CNTNAP2: variants seen among roughly 807,000 people sequenced by gnomAD.
The protein encoded by CNTNAP2 is contactin associated protein 2, also known as contactin-associated protein-like 2.
In CNTNAP2, 98 loss-of-function variants were observed where a neutral mutation model predicts 155.2. The ratio of observed to expected loss-of-function variants is 0.63; its 90% CI spans 0.54 to 0.75. The LOEUF (loss-of-function observed/expected upper bound fraction) is 0.75. Among genes scored for constraint, CNTNAP2 ranks in the 30% least tolerant of loss-of-function variants. CNTNAP2 has a pLI of 0.00. For missense variants in CNTNAP2, 1,727 were observed against 1,688.1 expected, an observed-to-expected ratio of 1.02 and a Z score of -0.40; for synonymous variants, 651 against 631.2, an observed-to-expected ratio of 1.03 and a Z score of -0.47.
At chr7:147,887,149 C>G (rs1799615709) in intron 13 of CNTNAP2, among the ~76,000 whole-genome samples, 1 of 152,130 alleles carries the variant, frequency 6.6e-6, no homozygotes, top group Non-Finnish European at 1.5e-5. Flanking sequence ...CAAATAGATA[C>G]AACAAAAGTG....
intron 1 of CNTNAP2, among the ~76,000 whole-genome samples, chr7:146,427,321 T>C (rs12666174): frequency 0.23 from 34,270 of 152,108 alleles, 4,752 homozygotes; most frequent in Admixed American, 0.39. Flanking sequence ...GCAGATATTT[T>C]AAGTTTCAGG....
chr7:148,335,010 G>A (rs190160266), intron 21 of CNTNAP2, among the ~76,000 whole-genome samples: 79 of 152,350 alleles, frequency 5.2e-4, no homozygotes, highest in East Asian at 5.0e-3. Context: ...GGAGCCAGGC[G>A]CCTGGTCTTT....
At chr7:146,828,971 C>T (rs999742294) in intron 2 of CNTNAP2, among the ~76,000 whole-genome samples, 80 of 152,012 alleles carry the variant, frequency 5.3e-4, no homozygotes, top group African/African-American at 1.9e-3. Flanking sequence ...TTAGTTTCAC[C>T]ACTATCTAGG....
intron 21 of CNTNAP2, among the ~76,000 whole-genome samples, chr7:148,364,023 G>C (rs781774356): frequency 9.2e-5 from 14 of 152,314 alleles, no homozygotes; most frequent in African/African-American, 3.4e-4. Context: ...TCGATTTCTC[G>C]CCGGGCCTTG....
chr7:147,050,766 A>T (rs182652863), intron 4 of CNTNAP2, among the ~76,000 whole-genome samples: 3 of 152,256 alleles, frequency 2.0e-5, no homozygotes, highest in Admixed American at 2.0e-4. Context: ...ATTTAAGACG[A>T]TGGAAAGGTA....
intron 2 of CNTNAP2, among the ~76,000 whole-genome samples, chr7:146,775,186 T>C (rs574095341): frequency 3.3e-5 from 5 of 152,214 alleles, no homozygotes; most frequent in African/African-American, 1.2e-4. Flanking sequence ...TTGAGATATC[T>C]GTTAAAAGGT....
In CNTNAP2 at chr7:147,593,151, A is replaced by G. The variant is rs1330616019; in HGVS notation, c.1897+30894A>G. ...CTTAGGAGAAATGAAAAAGGAACAGACATTATAATTGTAGGGAAAGAATAA... is the reference window on the plus strand; with the variant it reads ...CTTAGGAGAAATGAAAAAGGAACAGGCATTATAATTGTAGGGAAAGAATAA... On this transcript the variant is annotated intron_variant, in intron 12 of 23. Coordinates refer to ENST00000361727, the MANE Select transcript of CNTNAP2 (RefSeq NM_014141.6). 2.0e-5 allele frequency among the ~76,000 whole-genome samples: 3 copies of G among 152,016 alleles called. No homozygotes were observed. The East Asian group carries it at 5.8e-4, about 29-fold the overall frequency.
In CNTNAP2 at chr7:148,229,567, G is replaced by A. The variant is rs1206367248; in HGVS notation, c.3248-79G>A. ...AGAAAGGAAGAAAGAAAGAATCTAA[G>A]AGCAGGAATTGAGGGGATGTGACAT... On this transcript the variant is annotated intron_variant, in intron 19 of 23. Coordinates refer to ENST00000361727, the MANE Select transcript of CNTNAP2 (RefSeq NM_014141.6). The A allele has an allele frequency of 2.5e-5, 38 of 1,500,798 alleles. No homozygotes were observed. In the East Asian group the frequency reaches 8.4e-4, roughly 33 times the overall value. The allele number at this position is 1,500,798 out of a possible 1,614,324, so 93.0% of individuals were successfully genotyped here.
intron 1 of CNTNAP2, among the ~76,000 whole-genome samples, chr7:146,724,434 G>T (rs941048713): frequency 2.0e-5 from 3 of 151,434 alleles, no homozygotes; most frequent in Non-Finnish European, 2.9e-5. Flanking sequence ...TAATCTATTT[G>T]TCAATACTGA....
intron 20 of CNTNAP2, chr7:148,263,346 T>C (rs530554794): frequency 4.3e-4 from 65 of 152,186 alleles, no homozygotes; most frequent in African/African-American, 1.5e-3. Flanking sequence ...TTATGTTTTT[T>C]AGAAAAGTCA....
At chr7:147,342,613 A>T (rs1309859720) in intron 9 of CNTNAP2, among the ~76,000 whole-genome samples, 2 of 152,202 alleles carry the variant, frequency 1.3e-5, no homozygotes, top group African/African-American at 4.8e-5. Flanking sequence ...AAATCAGTGA[A>T]ACCCGTAGCA....
At chr7:147,010,069 G>A (rs1798596645) in intron 3 of CNTNAP2, among the ~76,000 whole-genome samples, 2 of 149,110 alleles carry the variant, frequency 1.3e-5, no homozygotes, top group South Asian at 4.3e-4. Context: ...GAGTGCAGTG[G>A]CATGATCTGG....
chr7:147,447,016 G>A (rs1393203016), intron 10 of CNTNAP2, among the ~76,000 whole-genome samples: 1 of 152,152 alleles, frequency 6.6e-6, no homozygotes, highest in African/African-American at 2.4e-5. Flanking sequence ...AAGTGCATTA[G>A]AATGCCAAGA....
chr7:146,877,786 G>A (rs1261413704), intron 3 of CNTNAP2, among the ~76,000 whole-genome samples: 2 of 151,864 alleles, frequency 1.3e-5, no homozygotes, highest in Non-Finnish European at 2.9e-5. Context: ...ATTTCATGAT[G>A]TCACCTTCCA....
intron 1 of CNTNAP2, among the ~76,000 whole-genome samples, chr7:146,695,156 T>G (rs1292131182): frequency 6.6e-6 from 1 of 152,160 alleles, no homozygotes; most frequent in Non-Finnish European, 1.5e-5. Context: ...CCTTGTCTTG[T>G]TCTCTCTCTT....
chr7:146,994,397 G>C (rs997647223), intron 3 of CNTNAP2, among the ~76,000 whole-genome samples: 1 of 152,028 alleles, frequency 6.6e-6, no homozygotes, highest in African/African-American at 2.4e-5. Flanking sequence ...CTTTTCAAAT[G>C]TGTAATTTTA....
chr7:146,770,532 T>C (rs1054707161), intron 1 of CNTNAP2, among the ~76,000 whole-genome samples: 1 of 152,190 alleles, frequency 6.6e-6, no homozygotes, highest in South Asian at 2.1e-4. Context: ...CTTTACATTC[T>C]GATAATAATT....
At chr7:147,906,948 C>T (rs1370787062) in intron 14 of CNTNAP2, among the ~76,000 whole-genome samples, 1 of 152,164 alleles carries the variant, frequency 6.6e-6, no homozygotes, top group African/African-American at 2.4e-5. Flanking sequence ...GTGTCTTGTT[C>T]TCTTCTGGCT....
intron 15 of CNTNAP2, among the ~76,000 whole-genome samples, chr7:148,057,276 G>A (rs1803036126): frequency 6.6e-6 from 1 of 152,154 alleles, no homozygotes; most frequent in South Asian, 2.1e-4. Flanking sequence ...CAAGTAGCCG[G>A]GAGCTGCTGA....
Sources: gnomAD v4.1 joint callset for allele counts (sites outside exome capture counted in the v4.1 genomes callset) on GRCh38, gnomAD v4.1.1 for gene constraint, MANE v1.5 for transcripts, NCBI Gene and HGNC (gene_info 2026-07-23, HGNC 2026-07-21) for gene names.